The following KATNIP variants were observed in gnomAD, a reference collection of about 807,000 sequenced individuals.
The protein encoded by KATNIP is katanin interacting protein.
A neutral mutation model predicts 174.0 loss-of-function variants in KATNIP; 126 were observed. The observed-to-expected ratio is 0.72, with a 90% CI of 0.63 to 0.84. The LOEUF is 0.84. Among genes scored for constraint, KATNIP ranks in the 40% least tolerant of loss-of-function variants. KATNIP has a pLI of 0.00. For synonymous variants in KATNIP, 810 were observed against 835.7 expected (o/e 0.97, Z 0.53); for missense variants, 1,958 against 2,109.7 (o/e 0.93, Z 1.41).
intron 13 of KATNIP, among the ~76,000 whole-genome samples, chr16:27,720,779 C>T (rs759327178): frequency 2.0e-5 from 3 of 152,198 alleles, no homozygotes; most frequent in South Asian, 2.1e-4. Flanking sequence ...GGCACTGGGT[C>T]GAGCCAGCGT....
At chr16:27,680,416 C>G (rs1214197804) in intron 7 of KATNIP, among the ~76,000 whole-genome samples, 1 of 152,146 alleles carries the variant, frequency 6.6e-6, no homozygotes, top group Non-Finnish European at 1.5e-5. Context: ...ACAGTCATTC[C>G]TGGGTGTGAA....
intron 13 of KATNIP, among the ~76,000 whole-genome samples, chr16:27,711,549 C>G (rs1332591440): frequency 6.6e-6 from 1 of 152,212 alleles, no homozygotes; most frequent in Non-Finnish European, 1.5e-5. Context: ...TCGCAACTCT[C>G]TGCTGGAAAT....
At chr16:27,611,039 A>G (rs1567492187) in intron 2 of KATNIP, among the ~76,000 whole-genome samples, 2 of 152,230 alleles carry the variant, frequency 1.3e-5, no homozygotes, top group Non-Finnish European at 2.9e-5. Flanking sequence ...CCTAAAATGT[A>G]TAAAACCAAA....
intron 6 of KATNIP, among the ~76,000 whole-genome samples, chr16:27,663,152 CTTTT>C (rs11440523): frequency 3.7e-5 from 3 of 80,050 alleles, no homozygotes; most frequent in Non-Finnish European, 7.4e-5. Context: ...TTTTCTTCTT[CTTTT>C]TTTTTTTTTT....
chr16:27,615,779 G>A (rs1567497458), intron 2 of KATNIP, among the ~76,000 whole-genome samples: 1 of 152,178 alleles, frequency 6.6e-6, no homozygotes, highest in Non-Finnish European at 1.5e-5. Context: ...GGAAAAGGAT[G>A]GAGAGAAGAC....
intron 5 of KATNIP, chr16:27,632,605 T>C (rs1459819809): frequency 6.6e-6 from 3 of 456,302 alleles, no homozygotes; most frequent in African/African-American, 6.0e-5. Flanking sequence ...CACTCCATGG[T>C]CAGTGGTCCC....
rs1237041641 is a variant in KATNIP at position 27,640,333 on chromosome 16, C to T, written c.409-8271C>T. On this transcript the variant is annotated intron_variant, in intron 5 of 27. Coordinates refer to ENST00000261588, the MANE Select transcript of KATNIP (RefSeq NM_015202.5). Reference sequence around the variant, plus strand: ...CCAAGCGGGGAGCTAGCCAGGTGCACAGTCATCATCCCTTGCAAGGGCGTG... The same window carrying T: ...CCAAGCGGGGAGCTAGCCAGGTGCATAGTCATCATCCCTTGCAAGGGCGTG... 2.6e-5 allele frequency among the ~76,000 whole-genome samples: 4 copies of T among 152,362 alleles called. No individual in the cohort carries two copies. The South Asian group carries it at 8.3e-4, about 32-fold the overall frequency.
chr16:27,611,779 C>G (rs1167725496), intron 2 of KATNIP, among the ~76,000 whole-genome samples: 1 of 152,232 alleles, frequency 6.6e-6, no homozygotes, highest in African/African-American at 2.4e-5. Context: ...CTCACACCCA[C>G]ACCTCCAAAT....
intron 8 of KATNIP, chr16:27,687,604 A>G (rs2078570179): frequency 6.6e-6 from 1 of 152,166 alleles, no homozygotes; most frequent in Non-Finnish European, 1.5e-5. Context: ...TCCAACCTCA[A>G]TCCGTAAGCC....
intron 8 of KATNIP, among the ~76,000 whole-genome samples, chr16:27,693,457 C>T (rs769790992): frequency 1.1e-4 from 17 of 152,082 alleles, no homozygotes; most frequent in Non-Finnish European, 2.2e-4. Flanking sequence ...GGCATGATCT[C>T]GACTTACTGC....
At chr16:27,631,559 A>C (rs1318109317) in intron 5 of KATNIP, among the ~76,000 whole-genome samples, 1 of 151,638 alleles carries the variant, frequency 6.6e-6, no homozygotes, top group Non-Finnish European at 1.5e-5. Flanking sequence ...AAAAAAAAAA[A>C]ACACCCTATG....
chr16:27,699,511 A>T (rs770328445), intron 9 of KATNIP, 23 bp from the exon 10 acceptor site: 2 of 1,613,756 alleles, frequency 1.2e-6, no homozygotes, highest in African/African-American at 1.3e-5. Context: ...CCAACATCAC[A>T]TCATGTGATC....
At chr16:27,775,955 A>G (rs570572586) in intron 24 of KATNIP, among the ~76,000 whole-genome samples, 2 of 152,282 alleles carry the variant, frequency 1.3e-5, no homozygotes, top group East Asian at 3.9e-4. Context: ...CAGAGGGGGC[A>G]ACAGAGCTCT....
intron 22 of KATNIP, among the ~76,000 whole-genome samples, 189 bp from the exon 23 acceptor site, chr16:27,772,910 C>A (rs1468186843): frequency 6.6e-6 from 1 of 152,108 alleles, no homozygotes; most frequent in Non-Finnish European, 1.5e-5. Flanking sequence ...CACACACATG[C>A]ACACACATGC....
chr16:27,581,760 A>G (rs1159020920), intron 2 of KATNIP, among the ~76,000 whole-genome samples: 1 of 152,064 alleles, frequency 6.6e-6, no homozygotes, highest in Non-Finnish European at 1.5e-5. Flanking sequence ...TTTCCCCCTG[A>G]GTCCCCAAAG....
intron 11 of KATNIP, 24 bp from the exon 12 acceptor site, chr16:27,703,872 T>C: frequency 6.3e-7 from 1 of 1,578,242 alleles, no homozygotes; most frequent in Non-Finnish European, 8.7e-7. Context: ...ACTTCCTGTT[T>C]GCTAAAACCA....
intron 19 of KATNIP, among the ~76,000 whole-genome samples, chr16:27,764,849 G>A (rs981241661): frequency 6.6e-6 from 1 of 152,212 alleles, no homozygotes; most frequent in Non-Finnish European, 1.5e-5. Context: ...AGACACTCCA[G>A]TGTGGAATTG....
chr16:27,749,438 C>T (rs1470596269), intron 15 of KATNIP, 146 bp from the exon 16 acceptor site: 38 of 953,184 alleles, frequency 4.0e-5, no homozygotes, highest in Non-Finnish European at 5.1e-5. Flanking sequence ...AGGAGACAGC[C>T]GGGAACAACC....
chr16:27,774,427 G>T (rs563489801), intron 23 of KATNIP, among the ~76,000 whole-genome samples: 188 of 152,202 alleles, frequency 1.2e-3, no homozygotes, highest in Non-Finnish European at 1.9e-3. Flanking sequence ...CCTGTGACTT[G>T]CCCACGCCCT....
Sources: gnomAD v4.1 joint callset for allele counts (sites outside exome capture counted in the v4.1 genomes callset) on GRCh38, gnomAD v4.1.1 for gene constraint, MANE v1.5 for transcripts, NCBI Gene and HGNC (gene_info 2026-07-23, HGNC 2026-07-21) for gene names.